CCDC81: variants seen among roughly 807,000 people sequenced by gnomAD.
CCDC81 encodes coiled-coil domain containing 81.
In CCDC81, 79 loss-of-function variants were observed where a neutral mutation model predicts 83.7. That is an observed-to-expected ratio of 0.94 (90% CI 0.79 to 1.14). CCDC81 has a LOEUF of 1.14. CCDC81 is among the 50% of genes most tolerant of loss of function. The probability of loss-of-function intolerance (pLI) is 0.00; values close to 1 mark genes in which losing one functional copy is unlikely to be tolerated. For synonymous variants in CCDC81, 252 were observed against 278.1 expected, an observed-to-expected ratio of 0.91 and a Z score of 0.93; for missense variants, 791 against 778.1, an observed-to-expected ratio of 1.02 and a Z score of -0.20.
intron 4 of CCDC81, among the ~76,000 whole-genome samples, chr11:86,394,411 G>T (rs576074710): frequency 6.6e-6 from 1 of 152,216 alleles, no homozygotes; most frequent in Admixed American, 6.5e-5. Context: ...CATGTTAAAG[G>T]AGCTGAGAAG....
intron 4 of CCDC81, among the ~76,000 whole-genome samples, chr11:86,393,137 A>G (rs138325119): frequency 6.6e-6 from 1 of 152,296 alleles, no homozygotes; most frequent in Non-Finnish European, 1.5e-5. Flanking sequence ...ATGTTGGCTC[A>G]CTGCAACCTC....
chr11:86,381,410 G>C (rs1948175137), intron 1 of CCDC81, among the ~76,000 whole-genome samples: 1 of 152,124 alleles, frequency 6.6e-6, no homozygotes, highest in Non-Finnish European at 1.5e-5. Flanking sequence ...TGGATATTTG[G>C]CTGTGGGAAT....
intron 7 of CCDC81, among the ~76,000 whole-genome samples, chr11:86,402,501 C>T (rs1340424326): frequency 6.6e-6 from 1 of 152,038 alleles, no homozygotes; most frequent in East Asian, 1.9e-4. Context: ...TTTGTTTAAC[C>T]AATCTCCTAT....
chr11:86,421,052 G>T (rs998293706), intron 14 of CCDC81, among the ~76,000 whole-genome samples: 6 of 152,168 alleles, frequency 3.9e-5, no homozygotes, highest in African/African-American at 1.2e-4. Context: ...ATGTTGAGTG[G>T]CAGGCTAACA....
chr11:86,391,145 G>C (rs1051646626), intron 3 of CCDC81, among the ~76,000 whole-genome samples: 1 of 152,196 alleles, frequency 6.6e-6, no homozygotes, highest in Non-Finnish European at 1.5e-5. Context: ...AGATTGCAGA[G>C]AGGCAGTGGG....
chr11:86,392,633 T>C lies in CCDC81; in HGVS notation c.391T>C (p.Leu131=). Residue 131 remains leucine (L), a synonymous_variant, in exon 4 of 15, where the codon TTG becomes CTG. Transcript: ENST00000445632. Reference sequence around the variant, plus strand: ...AGTGGAAGGATGTGTGAAGGAGACGTTGCTTTTTTTATCGCGTTCCATTTC... The same window carrying C: ...AGTGGAAGGATGTGTGAAGGAGACGCTGCTTTTTTTATCGCGTTCCATTTC... The part of the protein sequence containing the change: ...DVVEGCVKET[L]LFLSRSISMK... 6.4e-7 allele frequency: 1 copy of C among 1,551,664 alleles called. No individual in the cohort carries two copies. Among genetic ancestry groups the C allele is most frequent in the Non-Finnish European group, 8.7e-7 (1 of 1,146,980 alleles).
At position 86,415,376 on chromosome 11, in the gene CCDC81, TC is replaced by T; in HGVS notation, c.1691+64del. 3 of 1,335,492 alleles carry T rather than the reference TC, an allele frequency of 2.2e-6. No individual in the cohort carries two copies. In the African/African-American group the frequency reaches 4.3e-5, roughly 19 times the overall value. 82.7% of individuals were successfully genotyped at this position (1,335,492 alleles called of 1,614,324 possible). A position where few individuals can be genotyped will look rare whatever the true frequency, so the allele number is the denominator to read the frequency against. The stretch of plus-strand genomic sequence containing the variant: ...TCACTTATTCCGCTTCCTTTATCTC[TC>T]TTTTTCCACCCTGTCCCTGCCCCTC... On this transcript the variant is annotated intron_variant, in intron 13 of 14. Coordinates refer to ENST00000445632, the MANE Select transcript of CCDC81 (RefSeq NM_001156474.2).
At chr11:86,395,473 C>T (rs1948394029) in intron 5 of CCDC81, 60 bp downstream of exon 5, 5 of 1,282,756 alleles carry the variant, frequency 3.9e-6, no homozygotes, top group Non-Finnish European at 5.7e-6. Flanking sequence ...ATCTGCTGAT[C>T]TCATTGGGCA....
chr11:86,385,392 A>G (rs1340678515), intron 1 of CCDC81, among the ~76,000 whole-genome samples: 1 of 152,220 alleles, frequency 6.6e-6, no homozygotes, highest in Non-Finnish European at 1.5e-5. Context: ...CTCAAAAAAA[A>G]AAAAGTTATT....
rs779575740 is a variant in CCDC81 at position 86,400,676 on chromosome 11, A to C, written c.758-2A>C. On this transcript the variant is annotated splice_acceptor_variant, in intron 6 of 14. Coordinates refer to ENST00000445632, the MANE Select transcript of CCDC81 (RefSeq NM_001156474.2). LOFTEE classifies it high-confidence loss of function. ...CGTTTTCATTCATTCTTTATTCTAC[A>C]GATATCTCATCACCCAAAAGACTTC... 2 of 1,603,160 alleles carry C rather than the reference A, an allele frequency of 1.2e-6. No homozygotes were observed. The highest frequency in any genetic ancestry group is 1.7e-5 in the Admixed American group (1 of 59,750).
At position 86,414,810 on chromosome 11, in the gene CCDC81, A is replaced by C. The variant is rs763002529; in HGVS notation, c.1413A>C (p.Lys471Asn). The C allele has an allele frequency of 6.2e-7, 1 of 1,611,926 alleles. No individual in the cohort carries two copies. Among genetic ancestry groups the C allele is most frequent in the South Asian group, 1.1e-5 (1 of 90,226 alleles). ...CCAGACTTGCTGCGCAAAGAGCGAA[A>C]TTTTTAAAAGATAAGATGGAAGAAA... ...LTEELAAQRA[K>N]FLKDKMEETQ... The change falls in exon 12 of 15, where the codon AAA (lysine) becomes AAC (asparagine). Residue 471 changes from lysine to asparagine, a missense_variant. Coordinates refer to ENST00000445632, the MANE Select transcript of CCDC81 (RefSeq NM_001156474.2).
intron 14 of CCDC81, among the ~76,000 whole-genome samples, chr11:86,421,954 G>A (rs1948797433): frequency 1.3e-5 from 2 of 152,024 alleles, no homozygotes; most frequent in Non-Finnish European, 1.5e-5. Context: ...TTTTGATGGG[G>A]TAGAGGAGCA....
chr11:86,391,408 G>T (rs1037070856), intron 3 of CCDC81, among the ~76,000 whole-genome samples: 1 of 152,120 alleles, frequency 6.6e-6, no homozygotes, highest in African/African-American at 2.4e-5. Context: ...CTTTATCAGT[G>T]GACCTTGTTG....
chr11:86,387,197 C>T (rs1024962638), intron 2 of CCDC81, among the ~76,000 whole-genome samples: 2 of 152,148 alleles, frequency 1.3e-5, no homozygotes, highest in African/African-American at 4.8e-5. Context: ...TAAAATGTCA[C>T]ACAATTTAGG....
At chr11:86,396,001 T>C (rs1263060225) in intron 5 of CCDC81, among the ~76,000 whole-genome samples, 1 of 152,196 alleles carries the variant, frequency 6.6e-6, no homozygotes, top group Non-Finnish European at 1.5e-5. Flanking sequence ...CCCTGCAGTA[T>C]TAGTAAAACT....
intron 8 of CCDC81, among the ~76,000 whole-genome samples, 177 bp from the exon 9 acceptor site, chr11:86,407,950 G>T (rs779223597): frequency 6.6e-6 from 1 of 152,210 alleles, no homozygotes; most frequent in Non-Finnish European, 1.5e-5. Flanking sequence ...TGAGAGTTCA[G>T]AAGATCCTTT....
chr11:86,419,734 G>GA (rs1180366417), intron 13 of CCDC81, 194 bp from the exon 14 acceptor site: 1 of 441,524 alleles, frequency 2.3e-6, no homozygotes, highest in Non-Finnish European at 3.8e-6. Flanking sequence ...GAAGATAAAA[G>GA]ACCTTTGATC....
chr11:86,399,521 G>A lies in CCDC81; in HGVS notation c.758-1157G>A, dbSNP rs143413763. ...TGTAGAAACAGGGTTTTGCCATGTC[G>A]CCTAGGCTGGTTTTGAACTCCTGAG... On this transcript the variant is annotated intron_variant, in intron 6 of 14. Coordinates refer to ENST00000445632, the MANE Select transcript of CCDC81 (RefSeq NM_001156474.2). 4.3e-3 allele frequency among the ~76,000 whole-genome samples: 655 copies of A among 152,070 alleles called. 7 individuals carry two copies. The highest frequency in any genetic ancestry group is 0.015 in the African/African-American group (624 of 41,494).
rs992209356 is a variant in CCDC81 at position 86,422,603 on chromosome 11, A to G, written c.1847A>G (p.Gln616Arg). Residue 616 changes from glutamine to arginine, a missense_variant, in exon 15 of 15, where the codon CAG becomes CGG. Transcript: ENST00000445632. ...TCAGACAAGCTGTTTCTCCTAGACC[A>G]GTGTGAGAAGTATCGGCGCTGCAAG... ...RASDKLFLLD[Q>R]CEKYRRCKQC... 49 of 1,613,820 alleles carry G rather than the reference A, an allele frequency of 3.0e-5. No individual in the cohort carries two copies. Among genetic ancestry groups the G allele is most frequent in the Non-Finnish European group, 3.9e-5 (46 of 1,179,874 alleles).
Sources: gnomAD v4.1 joint callset for allele counts (sites outside exome capture counted in the v4.1 genomes callset) on GRCh38, gnomAD v4.1.1 for gene constraint, MANE v1.5 for transcripts, NCBI Gene and HGNC (gene_info 2026-07-23, HGNC 2026-07-21) for gene names.